The following C8orf34 variants were observed in gnomAD, a reference collection of about 807,000 sequenced individuals.
The protein encoded by C8orf34 is chromosome 8 open reading frame 34.
A neutral mutation model predicts 68.3 loss-of-function variants in C8orf34; 65 were observed. The observed-to-expected ratio is 0.95, with a 90% CI of 0.78 to 1.17. The LOEUF is 1.17. Ranked by LOEUF, C8orf34 falls within the 50% of genes most tolerant of loss-of-function variation. The pLI, the probability that C8orf34 is intolerant of heterozygous loss-of-function variation, is 0.00. For synonymous variants in C8orf34, 244 were observed against 241.2 expected, an observed-to-expected ratio of 1.01 and a Z score of -0.11; for missense variants, 664 against 655.4, an observed-to-expected ratio of 1.01 and a Z score of -0.14.
chr8:68,479,661 G>A (rs1397985611), intron 4 of C8orf34, among the ~76,000 whole-genome samples: 1 of 152,104 alleles, frequency 6.6e-6, no homozygotes, highest in East Asian at 1.9e-4. Context: ...CTTTTTGAGG[G>A]GGATGAAGGG....
intron 8 of C8orf34, among the ~76,000 whole-genome samples, chr8:68,657,568 G>A (rs1819543584): frequency 6.6e-6 from 1 of 152,196 alleles, no homozygotes; most frequent in Non-Finnish European, 1.5e-5. Context: ...TTATAGGGCA[G>A]CCTGAATGGA....
intron 7 of C8orf34, among the ~76,000 whole-genome samples, chr8:68,596,488 A>G (rs748486782): frequency 1.3e-5 from 2 of 152,136 alleles, no homozygotes; most frequent in Non-Finnish European, 2.9e-5. Context: ...GTCTGCTACA[A>G]TGTTGTGTGT....
intron 7 of C8orf34, among the ~76,000 whole-genome samples, chr8:68,555,026 A>G (rs56093828): frequency 0.21 from 31,163 of 151,956 alleles, 4,296 homozygotes; most frequent in African/African-American, 0.39. Context: ...CCACTTTTTT[A>G]TGTTTACACT....
chr8:68,525,585 C>G (rs1586317700), intron 6 of C8orf34: 1 of 890,890 alleles, frequency 1.1e-6, no homozygotes, highest in East Asian at 2.4e-5. Context: ...TCCATGATGC[C>G]AGCTGAGGTT....
chr8:68,368,557 C>T (rs1194812713), intron 1 of C8orf34, among the ~76,000 whole-genome samples: 1 of 151,948 alleles, frequency 6.6e-6, no homozygotes, highest in African/African-American at 2.4e-5. Flanking sequence ...TTGTGTGGGT[C>T]CTGATTTTAA....
intron 7 of C8orf34, among the ~76,000 whole-genome samples, chr8:68,624,729 G>A (rs912242481): frequency 6.6e-6 from 1 of 151,912 alleles, no homozygotes; most frequent in Non-Finnish European, 1.5e-5. Context: ...CTGCCCTCCT[G>A]GGAATTTATT....
chr8:68,745,176 G>A (rs528446756), intron 10 of C8orf34, among the ~76,000 whole-genome samples: 2 of 152,056 alleles, frequency 1.3e-5, no homozygotes, highest in African/African-American at 4.8e-5. Context: ...TTCCAGACAA[G>A]CAAATGCTGA....
chr8:68,702,866 C>T (rs1030254110), intron 8 of C8orf34, among the ~76,000 whole-genome samples: 43 of 152,136 alleles, frequency 2.8e-4, no homozygotes, highest in African/African-American at 9.7e-4. Flanking sequence ...ACTCCCTCCT[C>T]ATTATGGATT....
chr8:68,795,714 C>A (rs1055087571), intron 12 of C8orf34, among the ~76,000 whole-genome samples: 4 of 152,206 alleles, frequency 2.6e-5, no homozygotes, highest in African/African-American at 9.6e-5. Flanking sequence ...GAGATAGAGC[C>A]TTATGTAGAG....
At chr8:68,570,021 A>G (rs941763681) in intron 7 of C8orf34, among the ~76,000 whole-genome samples, 1 of 152,106 alleles carries the variant, frequency 6.6e-6, no homozygotes, top group African/African-American at 2.4e-5. Context: ...TTCTCATTGC[A>G]CACTCCCTCT....
chr8:68,794,476 A>AT (rs1563673872), intron 12 of C8orf34, among the ~76,000 whole-genome samples: 16 of 111,606 alleles, frequency 1.4e-4, no homozygotes, highest in African/African-American at 7.6e-4. Context: ...CCAGTATATA[A>AT]ATATAAATAT....
At chr8:68,533,807 A>G (rs1563513662) in intron 7 of C8orf34, 3 of 981,360 alleles carry the variant, frequency 3.1e-6, no homozygotes, top group East Asian at 1.1e-4. Flanking sequence ...TTGGAACATC[A>G]TTTTTCTGAA....
At chr8:68,756,990 A>G (rs979772600) in intron 10 of C8orf34, among the ~76,000 whole-genome samples, 1 of 152,196 alleles carries the variant, frequency 6.6e-6, no homozygotes, top group Admixed American at 6.5e-5. Flanking sequence ...TACCAAGTAT[A>G]CTATTCATGA....
At chr8:68,347,005 A>G (rs814444) in intron 1 of C8orf34, among the ~76,000 whole-genome samples, 99,356 of 151,730 alleles carry the variant, frequency 0.65, 33,678 homozygotes, top group African/African-American at 0.84. Flanking sequence ...GTTAAGGATT[A>G]TTATATAGGT....
Position 68,815,918 on chromosome 8 carries a change from T to C in C8orf34, c.1582T>C (p.Ser528Pro). 6.2e-7 allele frequency: 1 copy of C among 1,613,912 alleles called. No homozygotes were observed. The highest frequency in any genetic ancestry group is 8.5e-7 in the Non-Finnish European group (1 of 1,179,830). ...SADLLLCVPC[S>P]SCPTLVYSGL ...TGATCTTCTTCTTTGCGTTCCATGC[T>C]CTTCTTGTCCTACGCTGGTCTACTC... is the stretch of plus-strand genomic sequence containing the variant. Residue 528 changes from serine (S) to proline (P), a missense_variant, in exon 13 of 14, where the codon TCT (serine) becomes CCT (proline). Coordinates refer to ENST00000518698, the MANE Select transcript of C8orf34 (RefSeq NM_052958.4).
intron 8 of C8orf34, among the ~76,000 whole-genome samples, chr8:68,660,385 C>T (rs180991635): frequency 1.3e-5 from 2 of 152,328 alleles, no homozygotes; most frequent in East Asian, 3.9e-4. Context: ...GAGGCCTCAG[C>T]AGAGTACTGC....
chr8:68,480,458 G>T (rs115556901), intron 4 of C8orf34, among the ~76,000 whole-genome samples: 2,379 of 152,276 alleles, frequency 0.016, 72 homozygotes, highest in African/African-American at 0.054. Context: ...TTGCCAAAAA[G>T]ATACCTCAAA....
At chr8:68,581,900 T>TA (rs1305631763) in intron 7 of C8orf34, among the ~76,000 whole-genome samples, 10 of 152,126 alleles carry the variant, frequency 6.6e-5, no homozygotes, top group African/African-American at 1.9e-4. Flanking sequence ...CTCAGTAAAG[T>TA]AGTTCTAAGT....
intron 10 of C8orf34, among the ~76,000 whole-genome samples, chr8:68,764,134 A>G (rs768689161): frequency 6.6e-6 from 1 of 152,298 alleles, no homozygotes; most frequent in East Asian, 1.9e-4. Flanking sequence ...AGATATCCAC[A>G]TAATGTCCTC....
Sources: allele counts gnomAD v4.1 joint callset (sites outside exome capture counted in the v4.1 genomes callset), GRCh38; gene constraint gnomAD v4.1.1; transcripts MANE v1.5; gene names NCBI Gene and HGNC (gene_info 2026-07-23, HGNC 2026-07-21).